NAPA: variants seen among roughly 807,000 people sequenced by gnomAD.
NAPA encodes NSF attachment protein alpha.
In NAPA, 18 loss-of-function variants were observed where a neutral mutation model predicts 48.0. That is an observed-to-expected ratio of 0.38 (90% CI 0.26 to 0.56). The LOEUF is 0.56. Ranked by LOEUF, NAPA falls within the 20% of genes least tolerant of loss-of-function variation. NAPA has a pLI of 0.77. For synonymous variants in NAPA, 152 were observed against 149.9 expected, an observed-to-expected ratio of 1.01 and a Z score of -0.10; for missense variants, 315 against 385.0, an observed-to-expected ratio of 0.82 and a Z score of 1.52.
At position 47,493,186 on chromosome 19, in the gene NAPA, C is replaced by G; in HGVS notation, c.421-12G>C. The G allele has an allele frequency of 6.3e-7, 1 of 1,577,158 alleles. No homozygotes were observed. Among genetic ancestry groups the G allele is most frequent in the Non-Finnish European group, 8.6e-7 (1 of 1,158,394 alleles). On this transcript the variant is annotated splice_polypyrimidine_tract_variant and intron_variant, in intron 5 of 10. Transcript: ENST00000263354. This position sits in a 1 kb window ranked among gnomAD's most constrained non-coding sequence, Gnocchi z 6.4. ...TAGTGGGCAATGGCCTGGGGAGACA[C>G]GGGGGATGGGTTCCAGGGGAGGGCA... is the stretch of plus-strand genomic sequence containing the variant.
At chr19:47,490,152 G>A (rs896114480) in intron 9 of NAPA, among the ~76,000 whole-genome samples, 1 of 147,230 alleles carries the variant, frequency 6.8e-6, no homozygotes, top group Non-Finnish European at 1.5e-5. Flanking sequence ...TGGTGTGTTC[G>A]GTGTGTGTGT....
chr19:47,513,435 G>C (rs2122787252), intron 1 of NAPA, among the ~76,000 whole-genome samples: 1 of 152,300 alleles, frequency 6.6e-6, no homozygotes, highest in Middle Eastern at 3.4e-3. Context: ...CATAGCAAAT[G>C]GGAGGTAGGT....
intron 4 of NAPA, chr19:47,495,331 C>T (rs1968392551): frequency 3.3e-6 from 2 of 608,800 alleles, no homozygotes; most frequent in South Asian, 4.0e-5. Context: ...CCATGACTGC[C>T]TGTGGAGTGA....
chr19:47,500,548 G>C (rs994797514), intron 3 of NAPA, 85 bp downstream of exon 3: 1 of 1,156,278 alleles, frequency 8.6e-7, no homozygotes, highest in Admixed American at 2.9e-5. Context: ...AAAAACCAGA[G>C]CCGCCAGGAA....
intron 8 of NAPA, chr19:47,491,593 G>C (rs1225475653): frequency 3.7e-5 from 6 of 161,298 alleles, no homozygotes; most frequent in South Asian, 1.8e-4. Context: ...GCATGTGTGA[G>C]CTACAGCTAA....
At chr19:47,490,899 G>A (rs755405325) in intron 8 of NAPA, 43 bp from the exon 9 acceptor site, 4 of 1,579,836 alleles carry the variant, frequency 2.5e-6, no homozygotes, top group South Asian at 2.2e-5. Flanking sequence ...TAACAAGAGG[G>A]TCCTCAGAGC....
At chr19:47,497,342 C>T (rs1198348838) in intron 3 of NAPA, 1 of 153,638 alleles carries the variant, frequency 6.5e-6, no homozygotes, top group African/African-American at 2.4e-5. Flanking sequence ...CTCTGGAGCA[C>T]CCGCCGTCAG....
At chr19:47,513,729 CCCT>C (rs1156819901) in intron 1 of NAPA, among the ~76,000 whole-genome samples, 4 of 151,844 alleles carry the variant, frequency 2.6e-5, no homozygotes, top group African/African-American at 4.8e-5. Flanking sequence ...CTCTCAGTCC[CCCT>C]GTCTCTCCCT....
chr19:47,496,200 C>T (rs1968418369), intron 3 of NAPA: 2 of 153,364 alleles, frequency 1.3e-5, no homozygotes, highest in East Asian at 1.9e-4. Flanking sequence ...CTCTCCACTG[C>T]CCCCTCTTCC....
intron 3 of NAPA, 118 bp from the exon 4 acceptor site, chr19:47,495,714 C>A: frequency 1.1e-6 from 1 of 881,660 alleles, no homozygotes; most frequent in South Asian, 1.4e-5. Flanking sequence ...AATAGGCGCT[C>A]AGAGCTGCCA....
chr19:47,493,633 C>G lies in NAPA; in HGVS notation c.343-140G>C, dbSNP rs375791673. ...AGAAGACCTGAGGTGTGAAGAAGAT[C>G]GAGAGGTGGGGGAACACAGGAGTGA... On this transcript the variant is annotated intron_variant, in intron 4 of 10. Coordinates refer to ENST00000263354, the MANE Select transcript of NAPA (RefSeq NM_003827.4). The surrounding 1 kb of genome is among the most constrained non-coding windows in gnomAD (Gnocchi z 6.4). 4.2e-6 allele frequency: 3 copies of G among 722,652 alleles called. No homozygotes were observed. Among genetic ancestry groups the G allele is most frequent in the African/African-American group, 3.4e-5 (2 of 58,120 alleles). The allele number at this position is 722,652 out of a possible 1,614,324, so 44.8% of individuals were successfully genotyped here. A position where few individuals can be genotyped will look rare whatever the true frequency, so the allele number is the denominator to read the frequency against.
At chr19:47,504,024 C>T (rs972776056) in intron 1 of NAPA, among the ~76,000 whole-genome samples, 2 of 152,118 alleles carry the variant, frequency 1.3e-5, no homozygotes, top group African/African-American at 4.8e-5. Flanking sequence ...ATATATATCA[C>T]ACAGCCATAC....
At chr19:47,497,193 C>T (rs1021871116) in intron 3 of NAPA, 13 of 191,476 alleles carry the variant, frequency 6.8e-5, no homozygotes, top group African/African-American at 2.1e-4. Flanking sequence ...ATGGAGGCCC[C>T]GGGCTGCTCA....
rs184622615 is a variant in NAPA, at chr19:47,514,427, A to G, written c.98+416T>C. ...AGAGCCTTCAAACAGACTCCCCTAG[A>G]GCTCCGAAAAGCCTCTGGACCTGGC... On this transcript the variant is annotated intron_variant, in intron 1 of 10. Coordinates refer to ENST00000263354, the MANE Select transcript of NAPA (RefSeq NM_003827.4). Among the ~76,000 whole-genome samples, 824 of 151,870 alleles carry G rather than the reference A, an allele frequency of 5.4e-3. 5 individuals carry two copies. The highest frequency in any genetic ancestry group is 9.4e-3 in the Non-Finnish European group (640 of 67,914).
intron 1 of NAPA, among the ~76,000 whole-genome samples, chr19:47,509,435 G>A (rs1351860474): frequency 6.6e-6 from 1 of 152,202 alleles, no homozygotes; most frequent in Non-Finnish European, 1.5e-5. Flanking sequence ...GCCAGCCTGC[G>A]TTTCCTTATG....
chr19:47,492,601 C>T (rs1968302436), intron 7 of NAPA: 1 of 432,780 alleles, frequency 2.3e-6, no homozygotes. Context: ...GGATGAGGAC[C>T]ATCGGGCCAT....
At chr19:47,513,767 A>C (rs1968849343) in intron 1 of NAPA, among the ~76,000 whole-genome samples, 1 of 150,458 alleles carries the variant, frequency 6.6e-6, no homozygotes. Context: ...TCCTTGGCCA[A>C]GCCACCACCA....
intron 3 of NAPA, among the ~76,000 whole-genome samples, chr19:47,499,912 T>C (rs1968529428): frequency 6.6e-6 from 1 of 152,254 alleles, no homozygotes; most frequent in African/African-American, 2.4e-5. Context: ...TGACAATAGA[T>C]GGTCATTTTT....
At chr19:47,503,807 C>T (rs1276373486) in intron 1 of NAPA, among the ~76,000 whole-genome samples, 1 of 152,214 alleles carries the variant, frequency 6.6e-6, no homozygotes, top group Admixed American at 6.5e-5. Context: ...CTACTTCCTG[C>T]CTGGGATACT....
Sources: allele counts gnomAD v4.1 joint callset (sites outside exome capture counted in the v4.1 genomes callset), GRCh38; gene constraint gnomAD v4.1.1; non-coding constraint Gnocchi (gnomAD v3.1); transcripts MANE v1.5; gene names NCBI Gene and HGNC (gene_info 2026-07-23, HGNC 2026-07-21).